The following IL23R variants were observed in gnomAD, a reference collection of about 807,000 sequenced individuals.
IL23R encodes interleukin 23 receptor.
Under a neutral mutation model 56.9 loss-of-function variants are expected in IL23R, and 34 were observed. The ratio of observed to expected loss-of-function variants is 0.60; its 90% CI spans 0.45 to 0.80. The LOEUF is 0.80. IL23R is among the 30% of genes least tolerant of loss of function. The pLI is 0.00. For missense variants in IL23R, 635 were observed against 730.0 expected, an observed-to-expected ratio of 0.87 and a Z score of 1.50; for synonymous variants, 230 against 249.2, an observed-to-expected ratio of 0.92 and a Z score of 0.73.
intron 1 of IL23R, among the ~76,000 whole-genome samples, chr1:67,154,002 T>C (rs1646751543): frequency 6.6e-6 from 1 of 152,216 alleles, no homozygotes; most frequent in Admixed American, 6.5e-5. Context: ...TCTCCTGACC[T>C]CGTGATCTGC....
At chr1:67,167,972 C>T in intron 1 of IL23R, 120 bp from the exon 2 acceptor site, 159 of 606,156 alleles carry the variant, frequency 2.6e-4, no homozygotes, top group South Asian at 8.2e-4. Flanking sequence ...TCCTTCTTTC[C>T]TTCTTCCTCC....
intron 5 of IL23R, among the ~76,000 whole-genome samples, chr1:67,201,713 AT>A (rs1648655001): frequency 6.6e-6 from 1 of 152,176 alleles, no homozygotes; most frequent in South Asian, 2.1e-4. Flanking sequence ...GTTTTACAAA[AT>A]ACATAGAAAA....
intron 6 of IL23R, 172 bp downstream of exon 6, chr1:67,207,227 T>A: frequency 1.3e-6 from 1 of 784,250 alleles, no homozygotes; most frequent in Non-Finnish European, 2.2e-6. Context: ...TATTTTAGAT[T>A]CGGGGGCACA....
upstream of IL23R, among the ~76,000 whole-genome samples, chr1:67,164,968 G>A (rs1646858134): frequency 6.6e-6 from 1 of 152,198 alleles, no homozygotes; most frequent in African/African-American, 2.4e-5. Context: ...AGGACTTTGG[G>A]ATGCCAAGAC....
intron 4 of IL23R, among the ~76,000 whole-genome samples, chr1:67,199,151 A>G (rs1221560324): frequency 2.6e-5 from 4 of 152,216 alleles, no homozygotes; most frequent in Admixed American, 2.6e-4. Flanking sequence ...TACATGATAC[A>G]GTCCTGATCC....
chr1:67,185,856 A>G (rs976193900), intron 4 of IL23R, among the ~76,000 whole-genome samples: 2 of 152,230 alleles, frequency 1.3e-5, no homozygotes, highest in Admixed American at 1.3e-4. Flanking sequence ...GAATTGATTG[A>G]AGAGATGCAA....
intron 1 of IL23R, among the ~76,000 whole-genome samples, chr1:67,145,145 A>G (rs1320185972): frequency 2.0e-5 from 3 of 152,190 alleles, no homozygotes; most frequent in African/African-American, 4.8e-5. Context: ...AGGGAGTTCA[A>G]GAACAGCCTG....
downstream of IL23R, among the ~76,000 whole-genome samples, chr1:67,262,610 C>G (rs1653228496): frequency 6.6e-6 from 1 of 152,178 alleles, no homozygotes; most frequent in South Asian, 2.1e-4. Flanking sequence ...TCCACCCTGA[C>G]CACTCCCCAC....
chr1:67,252,671 C>G (rs1652705048), intron 9 of IL23R, among the ~76,000 whole-genome samples: 1 of 151,998 alleles, frequency 6.6e-6, no homozygotes, highest in South Asian at 2.1e-4. Context: ...CTGACACCAT[C>G]TAGTAAAAGA....
At chr1:67,247,382 G>A (rs1297785749) in intron 9 of IL23R, among the ~76,000 whole-genome samples, 3 of 150,944 alleles carry the variant, frequency 2.0e-5, no homozygotes, top group Non-Finnish European at 4.4e-5. Context: ...TTGGCTCCCT[G>A]CAACCTCTGC....
intron 3 of IL23R, among the ~76,000 whole-genome samples, chr1:67,172,534 T>C (rs1646956125): frequency 6.6e-6 from 1 of 152,240 alleles, no homozygotes; most frequent in South Asian, 2.1e-4. Context: ...GGAAATTTGT[T>C]CTAATCAGGC....
At chr1:67,188,058 C>CA (rs1384365650) in intron 4 of IL23R, among the ~76,000 whole-genome samples, 6 of 151,568 alleles carry the variant, frequency 4.0e-5, no homozygotes, top group African/African-American at 1.5e-4. Flanking sequence ...TCTCAAAAAA[C>CA]AAAAAAATAA....
At chr1:67,212,919 G>A (rs1446652616) in intron 6 of IL23R, among the ~76,000 whole-genome samples, 1 of 151,908 alleles carries the variant, frequency 6.6e-6, no homozygotes, top group Non-Finnish European at 1.5e-5. Context: ...TGTTGCCCAG[G>A]CTGGAGTGCA....
chr1:67,184,487 C>T (rs1360145463), intron 4 of IL23R, among the ~76,000 whole-genome samples: 1 of 151,696 alleles, frequency 6.6e-6, no homozygotes, highest in East Asian at 1.9e-4. Context: ...CAGGAGCTTG[C>T]AGTGAGCCAA....
In IL23R at chr1:67,258,856, C is replaced by T; in HGVS notation, c.1618C>T (p.Leu540=). The part of the protein sequence containing the change: ...FAFSVSSVNS[L]SNTIFLGELS... ...TTTTTCTGTTTCAAGTGTGAATTCA[C>T]TAAGCAACACAATATTTCTTGGAGA... is the stretch of plus-strand genomic sequence containing the variant. Residue 540 remains leucine (L), a synonymous_variant, in exon 11 of 11, where the codon CTA becomes TTA. Transcript: ENST00000347310. 1.2e-6 allele frequency: 2 copies of T among 1,613,946 alleles called. No homozygotes were observed. Among genetic ancestry groups the T allele is most frequent in the Non-Finnish European group, 1.7e-6 (2 of 1,179,928 alleles).
At chr1:67,164,879 A>T (rs557993926), upstream of IL23R, among the ~76,000 whole-genome samples, 40 of 152,022 alleles carry the variant, frequency 2.6e-4, no homozygotes, top group African/African-American at 9.7e-4. Context: ...ATGAAGAGGT[A>T]CTCAACATTA....
At chr1:67,166,717 A>G (rs1381756429) in intron 1 of IL23R, among the ~76,000 whole-genome samples, 176 bp downstream of exon 1, 1 of 152,224 alleles carries the variant, frequency 6.6e-6, no homozygotes, top group Non-Finnish European at 1.5e-5. Context: ...TAATTATTGC[A>G]TATTTCCATC....
chr1:67,208,273 TG>T (rs201489234), intron 6 of IL23R, among the ~76,000 whole-genome samples: 1 of 152,142 alleles, frequency 6.6e-6, no homozygotes, highest in African/African-American at 2.4e-5. Flanking sequence ...AAACCCATTC[TG>T]GGGGGGAGAA....
intron 1 of IL23R, among the ~76,000 whole-genome samples, chr1:67,141,908 G>A (rs868401156): frequency 6.6e-6 from 1 of 152,158 alleles, no homozygotes; most frequent in Non-Finnish European, 1.5e-5. Context: ...GATTTGTGCA[G>A]GGGGAAGCGT....
Sources: gnomAD v4.1 joint callset for allele counts (sites outside exome capture counted in the v4.1 genomes callset) on GRCh38, gnomAD v4.1.1 for gene constraint, MANE v1.5 for transcripts, NCBI Gene and HGNC (gene_info 2026-07-23, HGNC 2026-07-21) for gene names.